Variants in FGF12 observed in about 807,000 individuals in gnomAD.
FGF12 encodes the protein fibroblast growth factor 12.
FGF12 carries 14 observed loss-of-function variants against 23.6 expected under a neutral mutation model. That is an observed-to-expected ratio of 0.59 (90% confidence interval 0.39 to 0.93). The LOEUF is 0.93. Among genes scored for constraint, FGF12 ranks in the 40% least tolerant of loss-of-function variants. The pLI is 0.00. For synonymous variants in FGF12, 62 were observed against 77.3 expected, an observed-to-expected ratio of 0.80 and a Z score of 1.04; for missense variants, 175 against 217.8, an observed-to-expected ratio of 0.80 and a Z score of 1.24.
intron 2 of FGF12, among the ~76,000 whole-genome samples, chr3:192,552,977 GA>G (rs1179596727): frequency 9.2e-5 from 14 of 152,074 alleles, no homozygotes; most frequent in Non-Finnish European, 2.1e-4. Flanking sequence ...GTAAAGTACT[GA>G]AAGTTTTTTA....
At chr3:192,331,311 C>CAAAAAAAAAAAAAAAAA (rs201997868) in intron 4 of FGF12, among the ~76,000 whole-genome samples, 2 of 95,976 alleles carry the variant, frequency 2.1e-5, no homozygotes, top group Non-Finnish European at 2.3e-5. Flanking sequence ...GGAGTTTTCT[C>CAAAAAAAAAAAAAAAAA]AAAAAAAAAA....
intron 5 of FGF12, among the ~76,000 whole-genome samples, chr3:192,167,666 A>G (rs1192900279): frequency 2.1e-5 from 3 of 144,776 alleles, no homozygotes; most frequent in African/African-American, 7.7e-5. Context: ...GCTCATCCAG[A>G]CCCAAGAGGA....
chr3:192,607,865 A>AGG (rs1328111443), intron 2 of FGF12, among the ~76,000 whole-genome samples: 1 of 137,294 alleles, frequency 7.3e-6, no homozygotes, highest in Non-Finnish European at 1.6e-5. Flanking sequence ...AAAAAAAAAA[A>AGG]AAGAAGAAGA....
chr3:192,708,576 A>G (rs1471004750), intron 2 of FGF12, among the ~76,000 whole-genome samples: 1 of 152,212 alleles, frequency 6.6e-6, no homozygotes, highest in Non-Finnish European at 1.5e-5. Flanking sequence ...CTTCTATTAT[A>G]TGCTTAACAT....
At chr3:192,331,653 G>C (rs147796668) in intron 4 of FGF12, among the ~76,000 whole-genome samples, 277 of 152,140 alleles carry the variant, frequency 1.8e-3, no homozygotes, top group African/African-American at 6.4e-3. Flanking sequence ...CAACCTCTTT[G>C]TAACTATAAG....
At chr3:192,625,106 C>T (rs1022917366) in intron 2 of FGF12, among the ~76,000 whole-genome samples, 3 of 152,052 alleles carry the variant, frequency 2.0e-5, no homozygotes, top group Admixed American at 6.6e-5. Context: ...TGTGTCTAAT[C>T]TTTTGCTTTT....
At chr3:192,602,712 C>T (rs1714162544) in intron 2 of FGF12, among the ~76,000 whole-genome samples, 1 of 136,410 alleles carries the variant, frequency 7.3e-6, no homozygotes, top group Non-Finnish European at 1.6e-5. Context: ...TAAATTAGTG[C>T]ACAAAGGCCC....
chr3:192,158,591 C>T (rs901692583), intron 5 of FGF12, among the ~76,000 whole-genome samples: 1 of 107,470 alleles, frequency 9.3e-6, no homozygotes, highest in African/African-American at 3.8e-5. Flanking sequence ...TCTTTCTTCT[C>T]GTCTTTCTCT....
At chr3:192,619,524 C>A (rs1031258926) in intron 2 of FGF12, among the ~76,000 whole-genome samples, 1 of 152,084 alleles carries the variant, frequency 6.6e-6, no homozygotes, top group Non-Finnish European at 1.5e-5. Flanking sequence ...CATTTGGTAT[C>A]ATAGCCATGG....
chr3:192,539,124 T>A (rs1396190946), intron 2 of FGF12, among the ~76,000 whole-genome samples: 1 of 152,118 alleles, frequency 6.6e-6, no homozygotes, highest in Non-Finnish European at 1.5e-5. Flanking sequence ...CGTGGATGCT[T>A]TTTATTTCTT....
chr3:192,204,905 A>G (rs1372715915), intron 4 of FGF12, among the ~76,000 whole-genome samples: 6 of 152,142 alleles, frequency 3.9e-5, no homozygotes, highest in Non-Finnish European at 7.3e-5. Flanking sequence ...AGAAAAAAAA[A>G]GAAAGTAAGA....
At chr3:192,183,791 C>G (rs964590107) in intron 4 of FGF12, among the ~76,000 whole-genome samples, 1 of 152,186 alleles carries the variant, frequency 6.6e-6, no homozygotes, top group Non-Finnish European at 1.5e-5. Flanking sequence ...TTAACCCGAT[C>G]AAGACCATGG....
chr3:192,514,643 G>C lies in FGF12; in HGVS notation c.14-154105C>G, dbSNP rs1464724109. On this transcript the variant is annotated intron_variant, in intron 2 of 5. Transcript: ENST00000445105. This position sits in a 1 kb window ranked among gnomAD's most constrained non-coding sequence, Gnocchi z 4.9. ...AGGGGGCATTCTGCAGTGTTTGGGG[G>C]CTGGGGAAAGAACATTTTCTCACCA... The C allele has an allele frequency of 8.3e-6, 8 of 961,812 alleles. No individual in the cohort carries two copies. Among genetic ancestry groups the C allele is most frequent in the Non-Finnish European group, 9.9e-6 (8 of 808,488 alleles). 59.6% of individuals were successfully genotyped at this position (961,812 alleles called of 1,614,324 possible). A position where few individuals can be genotyped will look rare whatever the true frequency, so the allele number is the denominator to read the frequency against.
At chr3:192,185,385 C>T (rs770774358) in intron 4 of FGF12, among the ~76,000 whole-genome samples, 6 of 152,196 alleles carry the variant, frequency 3.9e-5, no homozygotes, top group Non-Finnish European at 8.8e-5. Context: ...GGAGTCTAGC[C>T]TGTTCCATGT....
rs1461525196 is a variant in FGF12 at position 192,167,731 on chromosome 3, G to GTGTATATATATATA, written c.427+2726_427+2727insTATATATATATACA. ...CTAAAATTAGGAGGGTAGGTTATAG[G>GTGTATATATATATA]TATATATATATATATATATATATAT... On this transcript the variant is annotated intron_variant, in intron 5 of 5. Transcript: ENST00000445105. Among the ~76,000 whole-genome samples the GTGTATATATATATA allele has an allele frequency of 1.2e-3, 31 of 25,044 alleles. 2 individuals carry two copies. Among genetic ancestry groups the GTGTATATATATATA allele is most frequent in the African/African-American group, 5.6e-3 (27 of 4,800 alleles). The allele number at this position is 25,044 out of a possible 152,430, so 16.4% of individuals were successfully genotyped here.
At chr3:192,148,666 C>A (rs1713861077) in intron 5 of FGF12, among the ~76,000 whole-genome samples, 1 of 152,032 alleles carries the variant, frequency 6.6e-6, no homozygotes, top group Admixed American at 6.6e-5. Context: ...CTGAATTGTC[C>A]TGAGTATAAG....
At chr3:192,410,183 G>A (rs1721152126) in intron 2 of FGF12, among the ~76,000 whole-genome samples, 2 of 152,186 alleles carry the variant, frequency 1.3e-5, no homozygotes, top group Non-Finnish European at 2.9e-5. Context: ...CCGGGCCCCT[G>A]GAGCGCTGGG....
At chr3:192,495,880 C>A (rs1031766637) in intron 2 of FGF12, among the ~76,000 whole-genome samples, 1 of 152,062 alleles carries the variant, frequency 6.6e-6, no homozygotes, top group African/African-American at 2.4e-5. Context: ...CCAGGCTCAT[C>A]TCGAACTCCT....
At chr3:192,417,397 A>C (rs2108781957) in intron 2 of FGF12, among the ~76,000 whole-genome samples, 2 of 151,968 alleles carry the variant, frequency 1.3e-5, no homozygotes, top group South Asian at 4.2e-4. Flanking sequence ...TGTGTATAAG[A>C]GTAGACACAG....
Sources: gnomAD v4.1 joint callset for allele counts (sites outside exome capture counted in the v4.1 genomes callset) on GRCh38, gnomAD v4.1.1 for gene constraint, Gnocchi (gnomAD v3.1) non-coding constraint, MANE v1.5 for transcripts, NCBI Gene and HGNC (gene_info 2026-07-23, HGNC 2026-07-21) for gene names.